Variants in MTMR12 observed in about 807,000 individuals in gnomAD.
The protein encoded by MTMR12 is myotubularin-related protein 12.
Under a neutral mutation model 96.7 loss-of-function variants are expected in MTMR12, and 33 were observed. The ratio of observed to expected loss-of-function variants is 0.34; its 90% CI spans 0.26 to 0.46. MTMR12 has a LOEUF of 0.46. Ranked by LOEUF, MTMR12 falls within the 20% of genes least tolerant of loss-of-function variation. The pLI is 1.00. For missense variants in MTMR12, 721 were observed against 896.1 expected (o/e 0.80, Z 2.49); for synonymous variants, 298 against 327.2 (o/e 0.91, Z 0.96).
intron 6 of MTMR12, 64 bp from the exon 7 acceptor site, chr5:32,263,306 T>C: frequency 6.3e-7 from 1 of 1,593,562 alleles, no homozygotes; most frequent in Non-Finnish European, 8.6e-7. Flanking sequence ...TTTTATTATG[T>C]GAAAGTCCCT....
chr5:32,311,291 G>A (rs1481261528), intron 1 of MTMR12, among the ~76,000 whole-genome samples: 2 of 152,218 alleles, frequency 1.3e-5, no homozygotes, highest in East Asian at 1.9e-4. Flanking sequence ...AGGGAAGCCC[G>A]CTGAAACTTT....
intron 1 of MTMR12, among the ~76,000 whole-genome samples, chr5:32,310,009 T>C (rs1452232876): frequency 6.6e-6 from 1 of 152,132 alleles, no homozygotes; most frequent in Admixed American, 6.6e-5. Flanking sequence ...CTGCTAGGTA[T>C]ACACCCAAAA....
At chr5:32,273,823 C>G (rs1160531965) in intron 3 of MTMR12, among the ~76,000 whole-genome samples, 157 bp downstream of exon 3, 1 of 152,126 alleles carries the variant, frequency 6.6e-6, no homozygotes, top group South Asian at 2.1e-4. Context: ...GCTATTCCCC[C>G]CAAACTTCAC....
At chr5:32,283,177 C>CA in intron 1 of MTMR12, among the ~76,000 whole-genome samples, 1 of 152,288 alleles carries the variant, frequency 6.6e-6, no homozygotes, top group South Asian at 2.1e-4. Flanking sequence ...AAAGGCTGTC[C>CA]AAACTTTACA....
chr5:32,229,871 C>CT lies in MTMR12; in HGVS notation c.2150dup (p.Pro718AlafsTer14), dbSNP rs764979421. The CT allele has an allele frequency of 4.3e-6, 7 of 1,611,422 alleles. No homozygotes were observed. Among genetic ancestry groups the CT allele is most frequent in the Non-Finnish European group, 8.5e-7 (1 of 1,178,626 alleles). ...TCCAGCCACTGGTGGGTAAGACGGG[C>CT]TTAGAGGAATGTCGCTGGAGCAGAG... On this transcript the variant is annotated frameshift_variant, in exon 16 of 16. Transcript: ENST00000382142. LOFTEE classifies it high-confidence loss of function.
chr5:32,272,637 C>T (rs753306418), intron 3 of MTMR12, among the ~76,000 whole-genome samples: 1 of 152,088 alleles, frequency 6.6e-6, no homozygotes, highest in African/African-American at 2.4e-5. Context: ...CCTCAGCCTC[C>T]CAAAGTGCTG....
At chr5:32,271,951 T>C (rs1581621326) in intron 3 of MTMR12, 46 bp from the exon 4 acceptor site, 2 of 1,137,850 alleles carry the variant, frequency 1.8e-6, no homozygotes, top group East Asian at 2.6e-5. Context: ...TGCATACTGT[T>C]AGACATTTAT....
At chr5:32,288,680 G>A (rs1750638357) in intron 1 of MTMR12, among the ~76,000 whole-genome samples, 1 of 152,212 alleles carries the variant, frequency 6.6e-6, no homozygotes, top group Non-Finnish European at 1.5e-5. Flanking sequence ...AGCCCACTAA[G>A]TAGGGACTCT....
At chr5:32,264,361 C>T (rs2112064742) in intron 6 of MTMR12, among the ~76,000 whole-genome samples, 1 of 152,256 alleles carries the variant, frequency 6.6e-6, no homozygotes, top group South Asian at 2.1e-4. Flanking sequence ...TACCCCAGCT[C>T]CTTTTCATAA....
intron 7 of MTMR12, 172 bp from the exon 8 acceptor site, chr5:32,255,940 C>T: frequency 2.0e-6 from 1 of 495,992 alleles, no homozygotes; most frequent in Non-Finnish European, 3.6e-6. Context: ...GCGTGAAGTA[C>T]TCTGGACAAA....
rs1751643652 is a variant in MTMR12 at position 32,312,616 on chromosome 5, C to T, written c.81+142G>A. 7 of 736,850 alleles carry T rather than the reference C, an allele frequency of 9.5e-6. No homozygotes were observed. The highest frequency in any genetic ancestry group is 6.1e-5 in the South Asian group (1 of 16,298). The allele number at this position is 736,850 out of a possible 1,614,324, so 45.6% of individuals were successfully genotyped here. ...CGGAGGCCCCAGCGCGCTCCTGCGG[C>T]CTCAGCCCGCCTGGCTGCCCCGTCG... On this transcript the variant is annotated intron_variant, in intron 1 of 15. Transcript: ENST00000382142. The surrounding 1 kb of genome is among the most constrained non-coding windows in gnomAD (Gnocchi z 5.0).
chr5:32,242,231 C>A, intron 11 of MTMR12, 104 bp from the exon 12 acceptor site: 15 of 655,056 alleles, frequency 2.3e-5, no homozygotes, highest in East Asian at 3.2e-5. Flanking sequence ...AGTCTTCTCT[C>A]TTATTTTTTT....
intron 12 of MTMR12, among the ~76,000 whole-genome samples, chr5:32,241,794 A>G (rs1397084338): frequency 1.3e-5 from 2 of 152,262 alleles, no homozygotes; most frequent in Non-Finnish European, 2.9e-5. Flanking sequence ...CAAAACATTA[A>G]GAAATGTGAG....
chr5:32,304,044 C>T (rs1159460202), intron 1 of MTMR12, among the ~76,000 whole-genome samples: 1 of 152,044 alleles, frequency 6.6e-6, no homozygotes, highest in Non-Finnish European at 1.5e-5. Flanking sequence ...AACCATAGGC[C>T]GGGCGCAGTA....
At chr5:32,274,209 T>A in intron 2 of MTMR12, 87 bp from the exon 3 acceptor site, 1 of 1,463,306 alleles carries the variant, frequency 6.8e-7, no homozygotes, top group Non-Finnish European at 9.3e-7. Context: ...CCTATTTACA[T>A]AAGGACAAAC....
At chr5:32,305,115 G>T (rs1383068638) in intron 1 of MTMR12, among the ~76,000 whole-genome samples, 2 of 152,104 alleles carry the variant, frequency 1.3e-5, no homozygotes, top group East Asian at 3.8e-4. Context: ...TTGAGACGGG[G>T]TCTTGCTCTG....
Position 32,233,783 on chromosome 5 carries a change from A to G in MTMR12, c.1664T>C (p.Met555Thr). ...PKLDKGQRKGMRFKHQRQLSL... is the reference protein window; with the variant it reads ...PKLDKGQRKGTRFKHQRQLSL... ...ATGTGGACATCTTACTTTGAAGCGC[A>G]TTCCTTTCCGTTGGCCTTTGTCCAG... is the stretch of plus-strand genomic sequence containing the variant. The change falls in exon 15 of 16, where the codon ATG (methionine) becomes ACG (threonine). Residue 555 changes from methionine to threonine, a missense_variant. Physicochemically the swap from Met to Thr is moderately conservative, Grantham distance 81 (BLOSUM62 -1). Coordinates refer to ENST00000382142, the MANE Select transcript of MTMR12 (RefSeq NM_001040446.3). The surrounding 1 kb of genome is among the most constrained non-coding windows in gnomAD (Gnocchi z 5.0). 1.2e-6 allele frequency: 2 copies of G among 1,614,190 alleles called. No homozygotes were observed. The highest frequency in any genetic ancestry group is 1.7e-6 in the Non-Finnish European group (2 of 1,180,032).
intron 1 of MTMR12, chr5:32,296,318 A>T (rs1750921544): frequency 6.2e-6 from 1 of 161,822 alleles, no homozygotes; most frequent in Non-Finnish European, 1.4e-5. Flanking sequence ...GTTTTTACAA[A>T]AAATGAACAA....
chr5:32,286,511 C>A (rs115648389), intron 1 of MTMR12, among the ~76,000 whole-genome samples: 6 of 151,046 alleles, frequency 4.0e-5, no homozygotes, highest in African/African-American at 1.5e-4. Context: ...CAAAGTGAGA[C>A]CCTGTCTCAA....
Sources: allele counts gnomAD v4.1 joint callset (sites outside exome capture counted in the v4.1 genomes callset), GRCh38; gene constraint gnomAD v4.1.1; non-coding constraint Gnocchi (gnomAD v3.1); transcripts MANE v1.5; gene names NCBI Gene and HGNC (gene_info 2026-07-23, HGNC 2026-07-21).